SLC9A2: variants seen among roughly 807,000 people sequenced by gnomAD.
SLC9A2 encodes sodium/hydrogen exchanger 2.
SLC9A2 carries 42 observed loss-of-function variants against 71.7 expected under a neutral mutation model. The observed-to-expected ratio is 0.59, with a 90% CI of 0.46 to 0.76. The LOEUF is 0.76. SLC9A2 is among the 30% of genes least tolerant of loss of function. The pLI, the probability that SLC9A2 is intolerant of heterozygous loss-of-function variation, is 0.00. For missense variants in SLC9A2, 829 were observed against 1,017.4 expected (o/e 0.81, Z 2.52); for synonymous variants, 396 against 392.5 (o/e 1.01, Z -0.10).
chr2:102,653,266 A>T (rs981105777), intron 1 of SLC9A2, among the ~76,000 whole-genome samples: 3 of 152,224 alleles, frequency 2.0e-5, no homozygotes, highest in Non-Finnish European at 4.4e-5. Context: ...CATTCAGGCC[A>T]ATTCTGAATG....
chr2:102,705,508 CTT>C, intron 10 of SLC9A2, among the ~76,000 whole-genome samples: 1 of 150,862 alleles, frequency 6.6e-6, no homozygotes, highest in East Asian at 1.9e-4. Flanking sequence ...GTAAACATAT[CTT>C]CTTCCCCATA....
At chr2:102,701,313 A>G (rs967347220) in intron 8 of SLC9A2, 82 bp downstream of exon 8, 3 of 1,069,292 alleles carry the variant, frequency 2.8e-6, no homozygotes, top group Non-Finnish European at 4.0e-6. Flanking sequence ...ATAATTTTAA[A>G]AAAATTATTA....
intron 1 of SLC9A2, 119 bp from the exon 2 acceptor site, chr2:102,657,445 T>C (rs760258739): frequency 3.5e-5 from 23 of 649,990 alleles, no homozygotes; most frequent in Non-Finnish European, 5.8e-5. Flanking sequence ...GTAAAGACAG[T>C]GATACTGACT....
Position 102,710,318 on chromosome 2 carries a change from A to C in SLC9A2, c.*1829A>C, listed in dbSNP as rs1048695663. 6.6e-6 allele frequency: 1 copy of C among 152,450 alleles called. No individual in the cohort carries two copies. Among genetic ancestry groups the C allele is most frequent in the Admixed American group, 6.5e-5 (1 of 15,286 alleles). The allele number at this position is 152,450 out of a possible 1,614,324, so 9.4% of individuals were successfully genotyped here. A position where few individuals can be genotyped will look rare whatever the true frequency, so the allele number is the denominator to read the frequency against. ...ACATGATTCAAGAAATGTGATGTAG[A>C]TTTTTGAGAATGCCAAAAATCAGGT... is the stretch of plus-strand genomic sequence containing the variant. On this transcript the variant is annotated 3_prime_UTR_variant, in exon 12 of 12. Coordinates refer to ENST00000233969, the MANE Select transcript of SLC9A2 (RefSeq NM_003048.6).
chr2:102,625,585 C>T (rs986935968), intron 1 of SLC9A2, among the ~76,000 whole-genome samples: 3 of 150,462 alleles, frequency 2.0e-5, no homozygotes, highest in Non-Finnish European at 4.4e-5. Context: ...GTTTTTTGTT[C>T]TTGCGATAGT....
At chr2:102,658,338 T>C (rs1023805982) in intron 2 of SLC9A2, among the ~76,000 whole-genome samples, 2 of 152,150 alleles carry the variant, frequency 1.3e-5, no homozygotes, top group African/African-American at 4.8e-5. Flanking sequence ...GAGGAACATA[T>C]GATTTTGGCC....
intron 1 of SLC9A2, among the ~76,000 whole-genome samples, chr2:102,623,173 T>A (rs948668748): frequency 2.0e-5 from 3 of 152,174 alleles, no homozygotes; most frequent in Non-Finnish European, 4.4e-5. Context: ...TTGCACCTCC[T>A]GTCCTCCCCC....
At chr2:102,661,706 T>C (rs997041805) in intron 2 of SLC9A2, among the ~76,000 whole-genome samples, 9 of 152,236 alleles carry the variant, frequency 5.9e-5, no homozygotes, top group Non-Finnish European at 1.2e-4. Context: ...CTTTGATTAT[T>C]TGAAAGATTT....
intron 1 of SLC9A2, among the ~76,000 whole-genome samples, chr2:102,635,759 A>G (rs2104504252): frequency 6.6e-6 from 1 of 152,332 alleles, no homozygotes; most frequent in East Asian, 1.9e-4. Flanking sequence ...GTTACAACTG[A>G]CATTCATTCA....
chr2:102,642,990 T>C (rs1676639572), intron 1 of SLC9A2, among the ~76,000 whole-genome samples: 1 of 152,178 alleles, frequency 6.6e-6, no homozygotes. Context: ...TTAGATGTCA[T>C]GTGTGTATAT....
intron 7 of SLC9A2, among the ~76,000 whole-genome samples, chr2:102,696,935 C>T (rs987611783): frequency 6.6e-6 from 1 of 152,188 alleles, no homozygotes; most frequent in Non-Finnish European, 1.5e-5. Flanking sequence ...TACCCTATGA[C>T]TCTGGGACAT....
intron 2 of SLC9A2, among the ~76,000 whole-genome samples, chr2:102,662,293 G>C (rs1035638096): frequency 6.6e-6 from 1 of 152,230 alleles, no homozygotes; most frequent in Non-Finnish European, 1.5e-5. Context: ...AGGAATGTGC[G>C]ACCCAGCTGC....
chr2:102,658,793 T>G (rs1226626251), intron 2 of SLC9A2, among the ~76,000 whole-genome samples: 1 of 152,088 alleles, frequency 6.6e-6, no homozygotes. Flanking sequence ...AGAAAGCCTC[T>G]CCTTTTACCC....
At chr2:102,669,522 C>T (rs1197447327) in intron 3 of SLC9A2, among the ~76,000 whole-genome samples, 1 of 152,094 alleles carries the variant, frequency 6.6e-6, no homozygotes, top group African/African-American at 2.4e-5. Flanking sequence ...GGAAAGTTTC[C>T]ATAGCCCCTT....
chr2:102,707,507 C>G (rs1289438713), intron 11 of SLC9A2, among the ~76,000 whole-genome samples: 1 of 152,084 alleles, frequency 6.6e-6, no homozygotes, highest in Non-Finnish European at 1.5e-5. Flanking sequence ...TTGTTCACTG[C>G]CCTACCCGTA....
At chr2:102,681,557 C>T (rs1677453052) in intron 3 of SLC9A2, among the ~76,000 whole-genome samples, 1 of 152,228 alleles carries the variant, frequency 6.6e-6, no homozygotes, top group South Asian at 2.1e-4. Context: ...TCATGCCTGG[C>T]ACAAAGTAAA....
chr2:102,687,650 T>C (rs1051324206), intron 5 of SLC9A2, among the ~76,000 whole-genome samples: 2 of 152,246 alleles, frequency 1.3e-5, no homozygotes, highest in African/African-American at 4.8e-5. Flanking sequence ...ACATGATGTA[T>C]GATGCATTAT....
chr2:102,653,740 G>A (rs1053361707), intron 1 of SLC9A2, among the ~76,000 whole-genome samples: 3 of 152,172 alleles, frequency 2.0e-5, no homozygotes, highest in Non-Finnish European at 2.9e-5. Context: ...GAAAGAAAAA[G>A]GTGAAAGAGG....
intron 5 of SLC9A2, among the ~76,000 whole-genome samples, chr2:102,688,841 T>G (rs369882072): frequency 6.6e-6 from 1 of 152,208 alleles, no homozygotes. Context: ...ACAATAATTA[T>G]TATGTAGTTA....
Sources: allele counts gnomAD v4.1 joint callset (sites outside exome capture counted in the v4.1 genomes callset), GRCh38; gene constraint gnomAD v4.1.1; transcripts MANE v1.5; gene names NCBI Gene and HGNC (gene_info 2026-07-23, HGNC 2026-07-21).